Variants in PPP2R3B observed in about 807,000 individuals in gnomAD.
PPP2R3B encodes protein phosphatase 2 regulatory subunit B''beta.
PPP2R3B carries 68 observed loss-of-function variants against 72.9 expected under a neutral mutation model. That is an observed-to-expected ratio of 0.93 (90% confidence interval 0.77 to 1.14). The LOEUF (loss-of-function observed/expected upper bound fraction) is 1.14. PPP2R3B is among the 50% of genes most tolerant of loss of function. The pLI is 0.00. For synonymous variants in PPP2R3B, 466 were observed against 375.8 expected (o/e 1.24, Z -2.78); for missense variants, 1,018 against 842.0 (o/e 1.21, Z -2.59).
chrX:379,851 G>C (rs918578600), intron 1 of PPP2R3B, among the ~76,000 whole-genome samples: 1 of 152,154 alleles, frequency 6.6e-6, no homozygotes, highest in Non-Finnish European at 1.5e-5. Flanking sequence ...GAACAGGCTT[G>C]GACTCACAGT....
chrX:334,642 A>T (rs1052939123), intron 12 of PPP2R3B, 125 bp from the exon 13 acceptor site: 1 of 1,138,826 alleles, frequency 8.8e-7, no homozygotes, highest in Non-Finnish European at 1.1e-6. Flanking sequence ...GCCGACCTTG[A>T]GCTCCAGCCG....
chrX:338,701 T>A lies in PPP2R3B; in HGVS notation c.1480A>T (p.Ser494Cys). The part of the protein sequence containing the change: ...EQISLLRDGD[S>C]GGPELSDWEK... ...CAGTCCGAGAGCTCGGGGCCGCCGC[T>A]GTCACCGTCCTGGAGGAAGCACACG... is the stretch of plus-strand genomic sequence containing the variant. The change falls in exon 12 of 13, where the codon AGC (serine) becomes TGC (cysteine). Residue 494 changes from serine (S) to cysteine (C), a missense_variant. Ser to Cys is a moderately radical substitution (Grantham distance 112). Transcript: ENST00000390665. The A allele has an allele frequency of 6.2e-7, 1 of 1,611,822 alleles. No individual in the cohort carries two copies. Among genetic ancestry groups the A allele is most frequent in the Non-Finnish European group, 8.5e-7 (1 of 1,179,656 alleles).
intron 1 of PPP2R3B, among the ~76,000 whole-genome samples, chrX:370,679 C>T (rs774968281): frequency 3.6e-4 from 55 of 152,326 alleles, no homozygotes; most frequent in African/African-American, 1.2e-3. Flanking sequence ...TGCCTTCTCC[C>T]TGCCACTGCC....
intron 1 of PPP2R3B, chrX:373,425 C>G (rs1434071275): frequency 6.6e-6 from 1 of 152,230 alleles, no homozygotes; most frequent in African/African-American, 2.4e-5. Flanking sequence ...AACGGGTGCA[C>G]GGCCAGCAGC....
At chrX:366,853 A>G (rs1341623735) in intron 1 of PPP2R3B, among the ~76,000 whole-genome samples, 6 of 143,048 alleles carry the variant, frequency 4.2e-5, no homozygotes, top group African/African-American at 1.6e-4. Flanking sequence ...ACAGAGTGAG[A>G]CTCTGTCTCA....
intron 1 of PPP2R3B, among the ~76,000 whole-genome samples, chrX:364,585 G>GCAC (rs1341899290): frequency 0.17 from 24,152 of 146,158 alleles, 3,105 homozygotes; most frequent in East Asian, 0.32. Flanking sequence ...GGGTGTGGTG[G>GCAC]AGGGTGCCTG....
At chrX:339,075 T>G (rs2070979949) in intron 10 of PPP2R3B, among the ~76,000 whole-genome samples, 179 bp from the exon 11 acceptor site, 1 of 152,060 alleles carries the variant, frequency 6.6e-6, no homozygotes, top group Non-Finnish European at 1.5e-5. Flanking sequence ...GGGTGGGGAC[T>G]GAGGCGTGGG....
chrX:370,129 C>G (rs1424527369), intron 1 of PPP2R3B, among the ~76,000 whole-genome samples: 1 of 152,120 alleles, frequency 6.6e-6, no homozygotes, highest in African/African-American at 2.4e-5. Flanking sequence ...ACACAGGAGT[C>G]AAAAAGGTCG....
intron 7 of PPP2R3B, 159 bp from the exon 8 acceptor site, chrX:342,090 C>A: frequency 3.8e-6 from 3 of 781,298 alleles, no homozygotes; most frequent in Non-Finnish European, 6.7e-6. Context: ...ACGGCCCATC[C>A]TAGGGGCCCA....
intron 1 of PPP2R3B, among the ~76,000 whole-genome samples, chrX:364,078 C>T (rs1050599585): frequency 6.6e-6 from 1 of 152,270 alleles, no homozygotes; most frequent in Non-Finnish European, 1.5e-5. Context: ...GCTCTGCCTT[C>T]AGAAGCGTGG....
chrX:351,617 A>G (rs1328110845), intron 2 of PPP2R3B, among the ~76,000 whole-genome samples: 1 of 68,092 alleles, frequency 1.5e-5, no homozygotes, highest in Non-Finnish European at 2.8e-5. Flanking sequence ...AGCGTGATCC[A>G]TTTTTATTCT....
At chrX:352,934 T>C (rs1228745037) in intron 2 of PPP2R3B, among the ~76,000 whole-genome samples, 1 of 151,172 alleles carries the variant, frequency 6.6e-6, no homozygotes, top group African/African-American at 2.4e-5. Flanking sequence ...GGGCTGTGGC[T>C]CGGAGCCCCC....
intron 12 of PPP2R3B, 192 bp from the exon 13 acceptor site, chrX:334,709 G>A: frequency 6.1e-6 from 4 of 658,392 alleles, no homozygotes; most frequent in South Asian, 2.9e-5. Context: ...GCTCCCGGGG[G>A]AGGGGCCTGC....
chrX:340,211 GGGGT>G (rs1339198389), intron 10 of PPP2R3B, among the ~76,000 whole-genome samples: 38 of 70,688 alleles, frequency 5.4e-4, no homozygotes, highest in South Asian at 1.1e-3. Context: ...GGGGGGGGGG[GGGGT>G]GAGGGGAGGA....
At chrX:347,403 G>C in intron 3 of PPP2R3B, 67 bp from the exon 4 acceptor site, 2 of 1,465,072 alleles carry the variant, frequency 1.4e-6, no homozygotes, top group Non-Finnish European at 1.9e-6. Context: ...CAGACGCAGG[G>C]TGGAACACGT....
chrX:378,066 A>G (rs2072038297), intron 1 of PPP2R3B, among the ~76,000 whole-genome samples: 1 of 152,188 alleles, frequency 6.6e-6, no homozygotes, highest in Admixed American at 6.5e-5. Flanking sequence ...TCTATACACT[A>G]CTGTGTACAG....
At chrX:341,751 C>T in intron 8 of PPP2R3B, 132 bp downstream of exon 8, 1 of 989,060 alleles carries the variant, frequency 1.0e-6, no homozygotes, top group Non-Finnish European at 1.6e-6. Context: ...ACACGTGCCC[C>T]CCTCGCCAGG....
Position 334,378 on chromosome X carries a change from C to G in PPP2R3B, c.1717G>C (p.Glu573Gln). Residue 573 changes from glutamate (E) to glutamine (Q), a missense_variant, in exon 13 of 13, where the codon GAG becomes CAG. Physicochemically the swap from Glu to Gln is conservative, Grantham distance 29. Transcript: ENST00000390665. Reference protein sequence around the residue: ...YEYACGDEDLEPL With the variant: ...YEYACGDEDLQPL ...TCTCGCGGGCGGCGTCACAGCGGCTCCAGGTCCTCGTCCCCGCATGCGTAC... is the reference window on the plus strand; with the variant it reads ...TCTCGCGGGCGGCGTCACAGCGGCTGCAGGTCCTCGTCCCCGCATGCGTAC... The G allele has an allele frequency of 6.6e-7, 1 of 1,516,812 alleles. No homozygotes were observed. The highest frequency in any genetic ancestry group is 8.8e-7 in the Non-Finnish European group (1 of 1,138,624). 94.0% of individuals were successfully genotyped at this position (1,516,812 alleles called of 1,614,324 possible). A position where few individuals can be genotyped will look rare whatever the true frequency, so the allele number is the denominator to read the frequency against.
At chrX:375,891 C>T (rs551848433) in intron 1 of PPP2R3B, among the ~76,000 whole-genome samples, 16 of 122,350 alleles carry the variant, frequency 1.3e-4, no homozygotes, top group African/African-American at 4.7e-4. Flanking sequence ...TTCCTCTTTC[C>T]GTACAAGACT....
Sources: allele counts gnomAD v4.1 joint callset (sites outside exome capture counted in the v4.1 genomes callset), GRCh38; gene constraint gnomAD v4.1.1; transcripts MANE v1.5; gene names NCBI Gene and HGNC (gene_info 2026-07-23, HGNC 2026-07-21).